Variants in ATP11A observed in about 807,000 individuals in gnomAD.
ATP11A encodes phospholipid-transporting ATPase IH.
ATP11A carries 81 observed loss-of-function variants against 154.4 expected under a neutral mutation model. The observed-to-expected ratio is 0.52, with a 90% CI of 0.44 to 0.63. ATP11A has a LOEUF of 0.63. ATP11A is among the 30% of genes least tolerant of loss of function. The probability of loss-of-function intolerance (pLI) is 0.00; values close to 1 mark genes in which losing one functional copy is unlikely to be tolerated. For missense variants in ATP11A, 1,316 were observed against 1,474.3 expected (o/e 0.89, Z 1.76); for synonymous variants, 623 against 585.9 (o/e 1.06, Z -0.91).
chr13:112,851,306 G>A, intron 18 of ATP11A, 88 bp downstream of exon 18: 4 of 1,378,970 alleles, frequency 2.9e-6, no homozygotes, highest in Non-Finnish European at 4.0e-6. Context: ...TGGACGGGAG[G>A]GAGGCCATCC....
intron 1 of ATP11A, among the ~76,000 whole-genome samples, chr13:112,742,456 G>T (rs1189139034): frequency 6.6e-6 from 1 of 152,174 alleles, no homozygotes; most frequent in Non-Finnish European, 1.5e-5. Context: ...CGTGTGTGGG[G>T]GGACTTATGA....
chr13:112,702,359 A>AAAAG (rs1555302540), intron 1 of ATP11A, among the ~76,000 whole-genome samples: 1 of 151,140 alleles, frequency 6.6e-6, no homozygotes, highest in Non-Finnish European at 1.5e-5. Context: ...AAAAAAAAAA[A>AAAAG]AAAGAAACCA....
intron 1 of ATP11A, among the ~76,000 whole-genome samples, chr13:112,750,802 A>G (rs1249147637): frequency 1.3e-5 from 2 of 152,146 alleles, no homozygotes; most frequent in Non-Finnish European, 2.9e-5. Flanking sequence ...ATGACTTCTG[A>G]CCTCTTCTGG....
At chr13:112,782,953 T>C (rs1263096031) in intron 1 of ATP11A, among the ~76,000 whole-genome samples, 1 of 152,248 alleles carries the variant, frequency 6.6e-6, no homozygotes, top group Non-Finnish European at 1.5e-5. Flanking sequence ...CACTGGTTGA[T>C]AGTCTCAGCC....
In ATP11A at chr13:112,884,006, T is replaced by TA. The variant is rs2080937136; in HGVS notation, c.*2141dup. The stretch of plus-strand genomic sequence containing the variant: ...ATCTCTTTTATTCATTTATTTAACA[T>TA]ACTGTCTAATTTTAAAAATAGGTTT... On this transcript the variant is annotated 3_prime_UTR_variant, in exon 30 of 30. Transcript: ENST00000375645. The TA allele has an allele frequency of 1.3e-5, 2 of 152,666 alleles. No homozygotes were observed. The highest frequency in any genetic ancestry group is 4.8e-5 in the African/African-American group (2 of 41,596). 9.5% of individuals were successfully genotyped at this position (152,666 alleles called of 1,614,324 possible).
intron 1 of ATP11A, among the ~76,000 whole-genome samples, chr13:112,707,600 C>A (rs928695211): frequency 6.6e-6 from 1 of 151,970 alleles, no homozygotes; most frequent in Non-Finnish European, 1.5e-5. Context: ...CACAGTCGAC[C>A]GGCATTTGAC....
chr13:112,752,095 CATTT>C (rs919226163), intron 1 of ATP11A, among the ~76,000 whole-genome samples: 11 of 152,298 alleles, frequency 7.2e-5, no homozygotes, highest in Non-Finnish European at 1.6e-4. Context: ...ATTGGTCATT[CATTT>C]GTTAGGAAAT....
At chr13:112,770,734 G>C (rs746699297) in intron 1 of ATP11A, among the ~76,000 whole-genome samples, 24 of 152,230 alleles carry the variant, frequency 1.6e-4, no homozygotes, top group Non-Finnish European at 3.4e-4. Flanking sequence ...ACTGAGAGAC[G>C]GGGGAGGCAC....
intron 1 of ATP11A, among the ~76,000 whole-genome samples, chr13:112,717,842 C>T (rs771189351): frequency 7.1e-4 from 108 of 152,344 alleles, no homozygotes; most frequent in Non-Finnish European, 1.2e-3. Context: ...TTTGGGAGAC[C>T]GAGGTGGGTG....
At chr13:112,801,561 C>G (rs2078132557) in intron 2 of ATP11A, among the ~76,000 whole-genome samples, 1 of 152,134 alleles carries the variant, frequency 6.6e-6, no homozygotes, top group Non-Finnish European at 1.5e-5. Context: ...CCAACAATAA[C>G]AAAAAAACTT....
chr13:112,841,412 C>T (rs373534325), intron 16 of ATP11A, among the ~76,000 whole-genome samples: 1 of 148,972 alleles, frequency 6.7e-6, no homozygotes, highest in Non-Finnish European at 1.5e-5. Flanking sequence ...CAGAGTGCCA[C>T]GTGGCTTCGC....
At position 112,834,042 on chromosome 13, in the gene ATP11A, A is replaced by C. The variant is rs570004348; in HGVS notation, c.1560-547A>C. Among the ~76,000 whole-genome samples the C allele has an allele frequency of 1.3e-3, 194 of 152,312 alleles. 1 individual carries two copies. Among genetic ancestry groups the C allele is most frequent in the African/African-American group, 4.5e-3 (186 of 41,556 alleles). On this transcript the variant is annotated intron_variant, in intron 14 of 29. Coordinates refer to ENST00000375645, the MANE Select transcript of ATP11A (RefSeq NM_015205.3). ...AGCCATGCTCTGTCTCTGCCGTCCC[A>C]GTGGCTCCCACAAGGCCCTGAAGGT...
intron 25 of ATP11A, among the ~76,000 whole-genome samples, chr13:112,869,428 AG>A (rs1244100520): frequency 6.6e-6 from 1 of 152,222 alleles, no homozygotes; most frequent in Non-Finnish European, 1.5e-5. Context: ...GAGCTTAGAA[AG>A]GCAGTTTCTC....
chr13:112,826,319 G>T (rs954706504), intron 11 of ATP11A, among the ~76,000 whole-genome samples: 24 of 152,216 alleles, frequency 1.6e-4, no homozygotes, highest in Non-Finnish European at 3.5e-4. Context: ...TACATCTGTA[G>T]GTTGTTACCA....
Position 112,875,805 on chromosome 13 carries a change from A to T in ATP11A, c.3191A>T (p.Tyr1064Phe). The T allele has an allele frequency of 6.2e-7, 1 of 1,613,928 alleles. No individual in the cohort carries two copies. The highest frequency in any genetic ancestry group is 1.1e-5 in the South Asian group (1 of 91,080). The change falls in exon 28 of 30, where the codon TAC becomes TTC. Residue 1064 changes from tyrosine to phenylalanine, a missense_variant. Tyr to Phe is a conservative substitution (Grantham distance 22). Coordinates refer to ENST00000375645, the MANE Select transcript of ATP11A (RefSeq NM_015205.3). The surrounding 1 kb of genome is among the most constrained non-coding windows in gnomAD (Gnocchi z 4.1). ...TTCCTCAACTACCAGAGGATGTACT[A>T]CGTGTTCATCCAGATGCTGTCCAGC... ...WPFLNYQRMY[Y>F]VFIQMLSSGP...
intron 1 of ATP11A, among the ~76,000 whole-genome samples, chr13:112,775,311 G>A (rs1038418855): frequency 3.3e-5 from 5 of 152,210 alleles, no homozygotes; most frequent in Admixed American, 2.0e-4. Context: ...CTCGTTATCC[G>A]ACTCTGCCTT....
chr13:112,802,038 G>T (rs1268072689), intron 2 of ATP11A, among the ~76,000 whole-genome samples: 1 of 152,190 alleles, frequency 6.6e-6, no homozygotes, highest in Non-Finnish European at 1.5e-5. Flanking sequence ...ACAGTGTGGT[G>T]TTGCTGAAAG....
intron 1 of ATP11A, among the ~76,000 whole-genome samples, chr13:112,782,736 G>A: frequency 6.6e-6 from 1 of 152,214 alleles, no homozygotes; most frequent in East Asian, 1.9e-4. Flanking sequence ...GCATGGTCAG[G>A]GCAGTGGGGC....
In ATP11A at chr13:112,732,760, C is replaced by T. The variant is rs186600187; in HGVS notation, c.39+42305C>T. Among the ~76,000 whole-genome samples the T allele has an allele frequency of 6.6e-5, 10 of 152,272 alleles. No individual in the cohort carries two copies. In the East Asian group the frequency reaches 9.6e-4, roughly 15 times the overall value. On this transcript the variant is annotated intron_variant, in intron 1 of 29. Coordinates refer to ENST00000375645, the MANE Select transcript of ATP11A (RefSeq NM_015205.3). ...CCGAGTATCTGGGACTGCAGGCGCA[C>T]GCCACCATGCCTGGCTAGTTTTTAT...
Sources: allele counts gnomAD v4.1 joint callset (sites outside exome capture counted in the v4.1 genomes callset), GRCh38; gene constraint gnomAD v4.1.1; non-coding constraint Gnocchi (gnomAD v3.1); transcripts MANE v1.5; gene names NCBI Gene and HGNC (gene_info 2026-07-23, HGNC 2026-07-21).